The following BPIFB6 variants were observed in gnomAD, a reference collection of about 807,000 sequenced individuals.
The protein encoded by BPIFB6 is BPI fold containing family B member 6.
Under a neutral mutation model 54.7 loss-of-function variants are expected in BPIFB6, and 47 were observed. That is an observed-to-expected ratio of 0.86 (90% confidence interval 0.68 to 1.10). BPIFB6 has a LOEUF of 1.10. Ranked by LOEUF, BPIFB6 falls within the 50% of genes least tolerant of loss-of-function variation. BPIFB6 has a pLI of 0.00. For synonymous variants in BPIFB6, 255 were observed against 225.9 expected (o/e 1.13, Z -1.16); for missense variants, 603 against 564.1 (o/e 1.07, Z -0.70).
At chr20:33,041,811 G>A (rs1312738737) in intron 11 of BPIFB6, among the ~76,000 whole-genome samples, 159 bp from the exon 12 acceptor site, 1 of 152,154 alleles carries the variant, frequency 6.6e-6, no homozygotes, top group African/African-American at 2.4e-5. Context: ...CAGGTAGCAG[G>A]CAAGCAGACT....
At chr20:33,033,306 G>A (rs1979185529) in intron 2 of BPIFB6, 5 of 642,346 alleles carry the variant, frequency 7.8e-6, no homozygotes, top group South Asian at 6.1e-5. Flanking sequence ...TTTGTAGTGA[G>A]CAGGGTCATT....
rs766725988 is a variant in BPIFB6, at chr20:33,034,192, G to T, written c.204G>T (p.Lys68Asn). 3.1e-6 allele frequency: 5 copies of T among 1,612,676 alleles called. No individual in the cohort carries two copies. Among genetic ancestry groups the T allele is most frequent in the Non-Finnish European group, 4.2e-6 (5 of 1,178,806 alleles). ...MKPIKGITNL[K>N]VKDVQLPVIT... ...GCTGCCTGTCCCTTCCCAGTTTGAA[G>T]GTGAAGGATGTCCAGCTGCCCGTCA... The change falls in exon 3 of 15, where the codon AAG becomes AAT. Residue 68 changes from lysine (K) to asparagine (N), a missense_variant. Physicochemically the swap from Lys to Asn is moderately conservative, Grantham distance 94 (BLOSUM62 0). Transcript: ENST00000349552.
Position 33,041,999 on chromosome 20 carries a change from C to T in BPIFB6, c.1172C>T (p.Ser391Leu), listed in dbSNP as rs774420213. Residue 391 changes from serine (S) to leucine (L), a missense_variant, in exon 12 of 15, where the codon TCG becomes TTG. Physicochemically the swap from Ser to Leu is moderately radical, Grantham distance 145. Transcript: ENST00000349552. ...RLLSLSRKSS[S>L]IGNFNERELT... is the part of the protein sequence containing the mutation. ...CTGAGCTTGTCCCGGAAGTCCTCAT[C>T]GATTGGCAACTTCAATGTAAGTGTC... The T allele has an allele frequency of 9.9e-6, 16 of 1,614,122 alleles. No homozygotes were observed. The highest frequency in any genetic ancestry group is 1.6e-4 in the Middle Eastern group (1 of 6,062).
At position 33,039,429 on chromosome 20, in the gene BPIFB6, G is replaced by T. The variant is rs775834459; in HGVS notation, c.983G>T (p.Gly328Val). The change falls in exon 10 of 15, where the codon GGC becomes GTC. Residue 328 changes from glycine (G) to valine (V), a missense_variant. Gly to Val is a moderately radical substitution (Grantham distance 109). Transcript: ENST00000349552. The part of the protein sequence containing the change: ...KKPPKVTMKT[G>V]KSLLHLHSTL... ...CCTCCCAAGGTCACTATGAAGACAGGCAAGAGCCTGCTGCACCTCCACAGC... is the reference window on the plus strand; with the variant it reads ...CCTCCCAAGGTCACTATGAAGACAGTCAAGAGCCTGCTGCACCTCCACAGC... The T allele has an allele frequency of 6.2e-7, 1 of 1,614,188 alleles. No homozygotes were observed.
At chr20:33,039,274 G>C in intron 9 of BPIFB6, 73 bp from the exon 10 acceptor site, 1 of 1,445,966 alleles carries the variant, frequency 6.9e-7, no homozygotes, top group South Asian at 1.4e-5. Context: ...CCTATGTCTT[G>C]AGGGACCCCT....
intron 11 of BPIFB6, 91 bp from the exon 12 acceptor site, chr20:33,041,879 G>GTGC: frequency 8.3e-7 from 1 of 1,207,952 alleles, no homozygotes. Context: ...AGGCGTTGGG[G>GTGC]TGCTTGGGAC....
At position 33,040,344 on chromosome 20, in the gene BPIFB6, C is replaced by CA; in HGVS notation, c.1142+27dup. On this transcript the variant is annotated intron_variant, in intron 11 of 14. Coordinates refer to ENST00000349552, the MANE Select transcript of BPIFB6 (RefSeq NM_174897.2). ...GTACGACCCTGCTGCCCAATGCTGG[C>CA]ATCCCTGTTACCTTCACATTTGGCC... The CA allele has an allele frequency of 1.9e-6, 3 of 1,609,182 alleles. No homozygotes were observed. The East Asian group carries it at 6.7e-5, about 36-fold the overall frequency.
rs781304032 is a variant in BPIFB6, at chr20:33,038,969, G to A, written c.900+7G>A. 3.7e-6 allele frequency: 6 copies of A among 1,613,322 alleles called. No homozygotes were observed. In the African/African-American group the frequency reaches 8.0e-5, roughly 22 times the overall value. On this transcript the variant is annotated splice_region_variant and intron_variant, in intron 9 of 14. Transcript: ENST00000349552. ...GGCTCGCTTCATTCCTGAAGTGAGT[G>A]CCCCACCTCCCCATCACCACTGCAC...
intron 6 of BPIFB6, 93 bp from the exon 7 acceptor site, chr20:33,036,352 G>C: frequency 9.5e-7 from 1 of 1,054,934 alleles, no homozygotes; most frequent in Non-Finnish European, 1.4e-6. Flanking sequence ...GTCACGTGGA[G>C]GGCCAGGTGC....
At chr20:33,040,196 G>A in intron 10 of BPIFB6, 55 bp from the exon 11 acceptor site, 1 of 1,536,342 alleles carries the variant, frequency 6.5e-7, no homozygotes, top group Admixed American at 1.7e-5. Flanking sequence ...GGCTTTGCCA[G>A]CCCTGATGGT....
At chr20:33,035,694 C>T in intron 6 of BPIFB6, 22 bp downstream of exon 6, 3 of 1,609,786 alleles carry the variant, frequency 1.9e-6, no homozygotes, top group Non-Finnish European at 1.7e-6. Context: ...CCTACCCACA[C>T]CTTGCCCCTA....
At position 33,036,521 on chromosome 20, in the gene BPIFB6, C is replaced by T. The variant is rs1409924981; in HGVS notation, c.654C>T (p.Ile218=). The T allele has an allele frequency of 6.2e-7, 1 of 1,614,050 alleles. No homozygotes were observed. The highest frequency in any genetic ancestry group is 1.3e-5 in the African/African-American group (1 of 74,948). Reference sequence around the variant, plus strand: ...CACCAGCCACCACAGCCAGCTACATCCAACTGGACTTCAGTGTAAGCGCCT... The same window carrying T: ...CACCAGCCACCACAGCCAGCTACATTCAACTGGACTTCAGTGTAAGCGCCT... ...MSAPATTASY[I]QLDFSPVVQQ... is the part of the protein sequence containing the mutation. The change falls in exon 7 of 15, where the codon ATC becomes ATT. Residue 218 remains isoleucine (I), a synonymous_variant. Transcript: ENST00000349552.
chr20:33,037,537 G>A, intron 7 of BPIFB6, 25 bp from the exon 8 acceptor site: 1 of 1,587,018 alleles, frequency 6.3e-7, no homozygotes. Context: ...CCAAGGCTGA[G>A]TGTCTCCCTC....
chr20:33,036,344 C>A, intron 6 of BPIFB6, 101 bp from the exon 7 acceptor site: 1 of 960,320 alleles, frequency 1.0e-6, no homozygotes, highest in Non-Finnish European at 1.6e-6. Flanking sequence ...TGCCTTGAGT[C>A]ACGTGGAGGG....
intron 8 of BPIFB6, among the ~76,000 whole-genome samples, chr20:33,038,086 C>T (rs1403105230): frequency 6.6e-6 from 1 of 152,188 alleles, no homozygotes; most frequent in Non-Finnish European, 1.5e-5. Context: ...TTCTATCCTT[C>T]CAACTAGCAT....
chr20:33,042,860 T>C lies in BPIFB6; in HGVS notation c.1234T>C (p.Tyr412His). Residue 412 changes from tyrosine (Y) to histidine (H), a missense_variant, in exon 13 of 15, where the codon TAC becomes CAC. Coordinates refer to ENST00000349552, the MANE Select transcript of BPIFB6 (RefSeq NM_174897.2). ...CATCACCAGCTATCTCGAAGAAGCC[T>C]ACATCCCAGTTGTCAATGGTGAGGG... is the stretch of plus-strand genomic sequence containing the variant. ...GFITSYLEEA[Y>H]IPVVNDVLQV... is the part of the protein sequence containing the mutation. 2 of 1,614,148 alleles carry C rather than the reference T, an allele frequency of 1.2e-6. No homozygotes were observed. Among genetic ancestry groups the C allele is most frequent in the African/African-American group, 1.3e-5 (1 of 75,058 alleles).
rs1382287752 is a variant in BPIFB6, at chr20:33,036,456, G to A, written c.589G>A (p.Val197Met). The A allele has an allele frequency of 6.2e-7, 1 of 1,613,530 alleles. No homozygotes were observed. ...TCCTTTTCACACAGACCCCATGCCTGTGGGCCAGATGGGCACCGTCAAATA... is the reference window on the plus strand; with the variant it reads ...TCCTTTTCACACAGACCCCATGCCTATGGGCCAGATGGGCACCGTCAAATA... The part of the protein sequence containing the change: ...KWTNLSDPMP[V>M]GQMGTVKYVL... Residue 197 changes from valine to methionine, a missense_variant, in exon 7 of 15, where the codon GTG (valine) becomes ATG (methionine). Transcript: ENST00000349552.
At chr20:33,041,949 T>C (rs1484240702) in intron 11 of BPIFB6, 21 bp from the exon 12 acceptor site, 4 of 1,613,572 alleles carry the variant, frequency 2.5e-6, no homozygotes, top group Non-Finnish European at 3.4e-6. Flanking sequence ...CCGCCTGGCT[T>C]GCTTCCCCAC....
chr20:33,042,864 T>C lies in BPIFB6; in HGVS notation c.1238T>C (p.Ile413Thr). Residue 413 changes from isoleucine (I) to threonine (T), a missense_variant, in exon 13 of 15, where the codon ATC (isoleucine) becomes ACC (threonine). Ile to Thr is a moderately conservative substitution (Grantham distance 89). Transcript: ENST00000349552. ...FITSYLEEAY[I>T]PVVNDVLQVG... is the part of the protein sequence containing the mutation. ...ACCAGCTATCTCGAAGAAGCCTACA[T>C]CCCAGTTGTCAATGGTGAGGGTTCC... is the stretch of plus-strand genomic sequence containing the variant. 6.2e-7 allele frequency: 1 copy of C among 1,614,158 alleles called. No individual in the cohort carries two copies. The highest frequency in any genetic ancestry group is 1.3e-5 in the African/African-American group (1 of 75,056).
Sources: gnomAD v4.1 joint callset for allele counts (sites outside exome capture counted in the v4.1 genomes callset) on GRCh38, gnomAD v4.1.1 for gene constraint, MANE v1.5 for transcripts, NCBI Gene and HGNC (gene_info 2026-07-23, HGNC 2026-07-21) for gene names.